The following RALGPS1 variants were observed in gnomAD, a reference collection of about 807,000 sequenced individuals.
The protein encoded by RALGPS1 is Ral GEF with PH domain and SH3 binding motif 1.
RALGPS1 carries 19 observed loss-of-function variants against 78.8 expected under a neutral mutation model. The ratio of observed to expected loss-of-function variants is 0.24; its 90% CI spans 0.17 to 0.35. The LOEUF (loss-of-function observed/expected upper bound fraction) is 0.35, where lower values mean the gene tolerates loss of function less well. RALGPS1 is among the 10% of genes least tolerant of loss of function. The pLI, the probability that RALGPS1 is intolerant of heterozygous loss-of-function variation, is 1.00. For missense variants in RALGPS1, 454 were observed against 688.3 expected, an observed-to-expected ratio of 0.66 and a Z score of 3.81; for synonymous variants, 228 against 256.3, an observed-to-expected ratio of 0.89 and a Z score of 1.06.
At chr9:127,018,145 G>A (rs1489541203) in intron 4 of RALGPS1, among the ~76,000 whole-genome samples, 2 of 152,218 alleles carry the variant, frequency 1.3e-5, no homozygotes, top group Admixed American at 6.5e-5. Context: ...GAACCTGGGA[G>A]GCGGAGCTGC....
At chr9:127,105,855 C>G (rs1185490117) in intron 8 of RALGPS1, among the ~76,000 whole-genome samples, 2 of 152,226 alleles carry the variant, frequency 1.3e-5, no homozygotes, top group Non-Finnish European at 2.9e-5. Flanking sequence ...TTCCCCAAGT[C>G]TAGTGCTGCG....
intron 11 of RALGPS1, among the ~76,000 whole-genome samples, chr9:127,181,066 C>T (rs1054190770): frequency 2.6e-5 from 4 of 152,246 alleles, no homozygotes; most frequent in African/African-American, 9.6e-5. Context: ...GAGCCAGCCT[C>T]AGAAGTCACG....
intron 18 of RALGPS1, chr9:127,216,040 A>G (rs576319968): frequency 1.3e-5 from 2 of 152,404 alleles, no homozygotes; most frequent in East Asian, 3.9e-4. Flanking sequence ...CATACCAGGC[A>G]TTTGGGTCCA....
chr9:127,014,601 G>A (rs747102309), intron 4 of RALGPS1, among the ~76,000 whole-genome samples: 1 of 152,144 alleles, frequency 6.6e-6, no homozygotes, highest in Non-Finnish European at 1.5e-5. Flanking sequence ...TTCATTATGA[G>A]ATTAGGAATG....
At chr9:127,076,946 A>G (rs2050733514) in intron 8 of RALGPS1, among the ~76,000 whole-genome samples, 1 of 152,190 alleles carries the variant, frequency 6.6e-6, no homozygotes, top group Non-Finnish European at 1.5e-5. Context: ...CAAGAACCCT[A>G]AAGTGAGGAA....
At chr9:127,123,076 G>T (rs1319866601) in intron 8 of RALGPS1, among the ~76,000 whole-genome samples, 2 of 152,244 alleles carry the variant, frequency 1.3e-5, no homozygotes, top group African/African-American at 2.4e-5. Context: ...TGGATGCCTC[G>T]TTGGGCACTG....
intron 13 of RALGPS1, among the ~76,000 whole-genome samples, chr9:127,197,067 A>G (rs1462611392): frequency 2.6e-5 from 4 of 152,196 alleles, no homozygotes. Flanking sequence ...CTCACTGCGT[A>G]CTTGTCTTCA....
chr9:127,199,134 G>T lies in RALGPS1; in HGVS notation c.1247+68G>T. On this transcript the variant is annotated intron_variant, in intron 14 of 18. Transcript: ENST00000259351. ...TCAGGGCTGAGGGAGCCGAAGACAG[G>T]CCCCGGGCAGGGACGGGCCCTGCCC... is the stretch of plus-strand genomic sequence containing the variant. The T allele has an allele frequency of 3.4e-6, 5 of 1,486,834 alleles. No homozygotes were observed. The East Asian group carries it at 9.0e-5, about 27-fold the overall frequency. 92.1% of individuals were successfully genotyped at this position (1,486,834 alleles called of 1,614,324 possible). A position where few individuals can be genotyped will look rare whatever the true frequency, so the allele number is the denominator to read the frequency against.
rs1371771960 is a variant in RALGPS1 at position 127,221,025 on chromosome 9, CTT to C, written c.*2257_*2258del. On this transcript the variant is annotated 3_prime_UTR_variant, in exon 19 of 19. Coordinates refer to ENST00000259351, the MANE Select transcript of RALGPS1 (RefSeq NM_014636.3). ...CCCAGGAACATTCTTAGCTCGGACT[CTT>C]GAAGAATCTCTTTAGATTTTGTTGG... The C allele has an allele frequency of 1.3e-5, 2 of 152,516 alleles. No homozygotes were observed. Among genetic ancestry groups the C allele is most frequent in the African/African-American group, 4.8e-5 (2 of 41,464 alleles). 9.4% of individuals were successfully genotyped at this position (152,516 alleles called of 1,614,324 possible). A position where few individuals can be genotyped will look rare whatever the true frequency, so the allele number is the denominator to read the frequency against.
At chr9:127,108,477 AT>A (rs1564595286) in intron 8 of RALGPS1, 1 of 1,611,990 alleles carries the variant, frequency 6.2e-7, no homozygotes. Context: ...GCTCCTGCTT[AT>A]GCACTCGGTT....
chr9:126,932,849 C>T (rs972297287), intron 1 of RALGPS1, among the ~76,000 whole-genome samples: 15 of 152,082 alleles, frequency 9.9e-5, no homozygotes, highest in South Asian at 6.2e-4. Context: ...AACTGTTGGT[C>T]GTGAAGGATC....
intron 1 of RALGPS1, among the ~76,000 whole-genome samples, chr9:126,936,673 A>T (rs2036289509): frequency 6.6e-6 from 1 of 152,116 alleles, no homozygotes; most frequent in African/African-American, 2.4e-5. Context: ...CCCAGCCAAG[A>T]TGTCAGTGAG....
chr9:127,199,379 G>A lies in RALGPS1; in HGVS notation c.1247+313G>A, dbSNP rs140564648. On this transcript the variant is annotated intron_variant, in intron 14 of 18. Transcript: ENST00000259351. Reference sequence around the variant, plus strand: ...GAAGTGTGGGTTCTTGAAACCAAAAGCCTAAGAAGTGGCCTGTTCTTGAGA... The same window carrying A: ...GAAGTGTGGGTTCTTGAAACCAAAAACCTAAGAAGTGGCCTGTTCTTGAGA... Among the ~76,000 whole-genome samples, 396 of 152,336 alleles carry A rather than the reference G, an allele frequency of 2.6e-3. 3 individuals carry two copies. The highest frequency in any genetic ancestry group is 0.011 in the South Asian group (51 of 4,828).
intron 8 of RALGPS1, among the ~76,000 whole-genome samples, chr9:127,134,118 G>A (rs2057228429): frequency 6.6e-6 from 1 of 152,084 alleles, no homozygotes; most frequent in African/African-American, 2.4e-5. Context: ...ACAGCTGCCG[G>A]CTCCTGCCTG....
At chr9:126,948,230 T>C (rs1024049801) in intron 1 of RALGPS1, among the ~76,000 whole-genome samples, 9 of 152,288 alleles carry the variant, frequency 5.9e-5, no homozygotes, top group Admixed American at 2.0e-4. Context: ...CTTTTAAAAA[T>C]TGAGGCTGGG....
chr9:126,971,716 A>G (rs2040138229), intron 3 of RALGPS1, among the ~76,000 whole-genome samples: 1 of 152,210 alleles, frequency 6.6e-6, no homozygotes, highest in Admixed American at 6.5e-5. Context: ...CCATCACTAT[A>G]AAGACAGAGA....
intron 14 of RALGPS1, among the ~76,000 whole-genome samples, chr9:127,209,195 G>T (rs573865106): frequency 1.3e-5 from 2 of 152,206 alleles, no homozygotes; most frequent in East Asian, 3.8e-4. Flanking sequence ...AGAAAGCCCC[G>T]GGGCTGGAAG....
intron 1 of RALGPS1, among the ~76,000 whole-genome samples, chr9:126,925,607 A>C (rs1458682255): frequency 6.6e-6 from 1 of 151,990 alleles, no homozygotes; most frequent in Non-Finnish European, 1.5e-5. Flanking sequence ...AGTCCCAGAT[A>C]CTCAGAAGGC....
intron 8 of RALGPS1, among the ~76,000 whole-genome samples, chr9:127,160,050 C>A (rs2058933566): frequency 6.6e-6 from 1 of 152,044 alleles, no homozygotes; most frequent in East Asian, 1.9e-4. Flanking sequence ...ATGAGAAAAA[C>A]CAAAACCAGA....
Sources: allele counts gnomAD v4.1 joint callset (sites outside exome capture counted in the v4.1 genomes callset), GRCh38; gene constraint gnomAD v4.1.1; transcripts MANE v1.5; gene names NCBI Gene and HGNC (gene_info 2026-07-23, HGNC 2026-07-21).